Variants in GABBR2 observed in about 807,000 individuals in gnomAD.
GABBR2 encodes the protein G-protein coupled receptor 51.
A neutral mutation model predicts 105.6 loss-of-function variants in GABBR2; 23 were observed. That is an observed-to-expected ratio of 0.22 (90% CI 0.16 to 0.31). The LOEUF is 0.31. GABBR2 is among the 10% of genes least tolerant of loss of function. The pLI is 1.00. For synonymous variants in GABBR2, 478 were observed against 499.7 expected (o/e 0.96, Z 0.58); for missense variants, 734 against 1,245.5 (o/e 0.59, Z 6.18).
intron 2 of GABBR2, among the ~76,000 whole-genome samples, chr9:98,562,588 C>T (rs1282914318): frequency 6.6e-6 from 1 of 151,894 alleles, no homozygotes; most frequent in African/African-American, 2.4e-5. Flanking sequence ...ACTGTGTGAG[C>T]GTGTGTGTGG....
chr9:98,475,675 C>T (rs1826776224), intron 5 of GABBR2, among the ~76,000 whole-genome samples: 1 of 152,144 alleles, frequency 6.6e-6, no homozygotes, highest in African/African-American at 2.4e-5. Context: ...CTTGAAGTTC[C>T]GCTCTTAGTA....
At chr9:98,697,347 C>A (rs1422917536) in intron 1 of GABBR2, among the ~76,000 whole-genome samples, 1 of 152,064 alleles carries the variant, frequency 6.6e-6, no homozygotes, top group East Asian at 1.9e-4. Flanking sequence ...AAAAATTAGC[C>A]GGGCGTGGTG....
chr9:98,376,744 A>G (rs1178576219), intron 11 of GABBR2, among the ~76,000 whole-genome samples: 2 of 152,068 alleles, frequency 1.3e-5, no homozygotes, highest in Non-Finnish European at 2.9e-5. Context: ...TGTATAGAAA[A>G]TCTTCTCTGG....
At chr9:98,337,231 G>T (rs4743205) in intron 13 of GABBR2, among the ~76,000 whole-genome samples, 4 of 151,890 alleles carry the variant, frequency 2.6e-5, no homozygotes, top group African/African-American at 7.3e-5. Context: ...CTTGAACCCG[G>T]GAGGCGGAGG....
chr9:98,671,689 G>T (rs982164069), intron 1 of GABBR2, among the ~76,000 whole-genome samples: 3 of 152,150 alleles, frequency 2.0e-5, no homozygotes, highest in African/African-American at 7.2e-5. Context: ...CCATCCTGGT[G>T]GGTGTGAAGT....
chr9:98,290,655 C>A lies in GABBR2; in HGVS notation c.2755G>T (p.Val919Phe). Residue 919 changes from valine to phenylalanine, a missense_variant, in exon 19 of 19, where the codon GTC (valine) becomes TTC (phenylalanine). Around this residue, in one of 7 missense-constraint regions of GABBR2, gnomAD observed 134 missense variants for 171.2 expected, o/e 0.78. Coordinates refer to ENST00000259455, the MANE Select transcript of GABBR2 (RefSeq NM_005458.8). ...GVDASCVSPC[V>F]SPTASPRHRH... ...TGGCGGGGGCTGGCGGTGGGGCTGA[C>A]GCAGGGGCTGACACAGCTGGCGTCC... The A allele has an allele frequency of 1.4e-6, 2 of 1,462,998 alleles. No individual in the cohort carries two copies. The highest frequency in any genetic ancestry group is 9.0e-7 in the Non-Finnish European group (1 of 1,114,732). The allele number at this position is 1,462,998 out of a possible 1,614,324, so 90.6% of individuals were successfully genotyped here. A position where few individuals can be genotyped will look rare whatever the true frequency, so the allele number is the denominator to read the frequency against.
intron 1 of GABBR2, among the ~76,000 whole-genome samples, chr9:98,670,056 G>A (rs1387299058): frequency 3.3e-5 from 5 of 152,164 alleles, no homozygotes; most frequent in Non-Finnish European, 5.9e-5. Flanking sequence ...GGGACTAGGG[G>A]AGGATGAGGG....
intron 11 of GABBR2, among the ~76,000 whole-genome samples, chr9:98,374,876 G>C (rs1179086039): frequency 6.6e-6 from 1 of 152,180 alleles, no homozygotes; most frequent in African/African-American, 2.4e-5. Context: ...AGCCCTGAGA[G>C]TCCTAGTGAA....
intron 1 of GABBR2, among the ~76,000 whole-genome samples, chr9:98,663,325 C>T (rs1489889491): frequency 2.0e-5 from 3 of 152,130 alleles, no homozygotes; most frequent in African/African-American, 4.8e-5. Context: ...TCAGTGCTGG[C>T]TCTTCTCTGC....
intron 6 of GABBR2, among the ~76,000 whole-genome samples, chr9:98,465,590 T>C (rs917690258): frequency 6.6e-6 from 1 of 152,224 alleles, no homozygotes; most frequent in African/African-American, 2.4e-5. Flanking sequence ...CTCCGCAAAC[T>C]ATACTAGCTA....
intron 1 of GABBR2, among the ~76,000 whole-genome samples, chr9:98,684,969 A>G (rs937631748): frequency 6.6e-6 from 1 of 152,196 alleles, no homozygotes; most frequent in Non-Finnish European, 1.5e-5. Flanking sequence ...TGATTGGATT[A>G]AAGGATGCAA....
At chr9:98,467,966 G>A (rs1826595097) in intron 6 of GABBR2, among the ~76,000 whole-genome samples, 1 of 152,252 alleles carries the variant, frequency 6.6e-6, no homozygotes, top group Non-Finnish European at 1.5e-5. Context: ...AATGGAAGCT[G>A]ACACTTGAAA....
intron 2 of GABBR2, among the ~76,000 whole-genome samples, chr9:98,574,179 A>T (rs1828878534): frequency 6.6e-6 from 1 of 152,222 alleles, no homozygotes; most frequent in Non-Finnish European, 1.5e-5. Context: ...GACATTAGTC[A>T]CTATAGTATC....
At chr9:98,478,857 T>C (rs1442830578) in intron 5 of GABBR2, among the ~76,000 whole-genome samples, 2 of 152,162 alleles carry the variant, frequency 1.3e-5, no homozygotes, top group Admixed American at 1.3e-4. Context: ...TAATTTATTT[T>C]TTCTGAAGTT....
In GABBR2 at chr9:98,658,389, T is replaced by TTGAATGAA. The variant is rs3032163; in HGVS notation, c.321+50020_321+50027dup. 2.0e-3 allele frequency among the ~76,000 whole-genome samples: 296 copies of TTGAATGAA among 149,706 alleles called. 1 individual carries two copies. The highest frequency in any genetic ancestry group is 3.7e-3 in the African/African-American group (149 of 40,658). On this transcript the variant is annotated intron_variant, in intron 1 of 18. Coordinates refer to ENST00000259455, the MANE Select transcript of GABBR2 (RefSeq NM_005458.8). Reference sequence around the variant, plus strand: ...ACAGCTTCAGTGGAGAGCCACTGTGTTGAATGAATGAATGAATGAATGAAT... The same window carrying TTGAATGAA: ...ACAGCTTCAGTGGAGAGCCACTGTGTTGAATGAATGAATGAATGAATGAATGAATGAAT...
At chr9:98,316,973 C>T (rs1238757267) in intron 13 of GABBR2, among the ~76,000 whole-genome samples, 1 of 152,196 alleles carries the variant, frequency 6.6e-6, no homozygotes, top group Non-Finnish European at 1.5e-5. Flanking sequence ...CCTGATGTGC[C>T]CTCCTCTCAC....
intron 13 of GABBR2, among the ~76,000 whole-genome samples, chr9:98,331,465 G>C (rs551385326): frequency 1.7e-4 from 22 of 132,028 alleles, no homozygotes; most frequent in Admixed American, 3.6e-4. Flanking sequence ...CCTCCTCTGC[G>C]TTTCCACAGG....
chr9:98,460,938 A>C (rs116387271), intron 6 of GABBR2, among the ~76,000 whole-genome samples: 1,594 of 152,374 alleles, frequency 0.01, 29 homozygotes, highest in African/African-American at 0.036. Flanking sequence ...AAGAGCAATA[A>C]GTCAGACAGC....
At chr9:98,370,575 G>A (rs1831760685) in intron 12 of GABBR2, among the ~76,000 whole-genome samples, 1 of 152,190 alleles carries the variant, frequency 6.6e-6, no homozygotes, top group Admixed American at 6.5e-5. Flanking sequence ...TCCCAAGGCA[G>A]GTGGCCGGCC....
Sources: gnomAD v4.1 joint callset for allele counts (sites outside exome capture counted in the v4.1 genomes callset) on GRCh38, gnomAD v4.1.1 for gene constraint, gnomAD v4.1.1 regional missense constraint, MANE v1.5 for transcripts, NCBI Gene and HGNC (gene_info 2026-07-23, HGNC 2026-07-21) for gene names.